Variants in GRIN2D observed in about 807,000 individuals in gnomAD.
GRIN2D encodes the protein glutamate ionotropic receptor NMDA type subunit 2D.
In GRIN2D, 37 loss-of-function variants were observed where a neutral mutation model predicts 103.2. The ratio of observed to expected loss-of-function variants is 0.36; its 90% confidence interval spans 0.28 to 0.47. GRIN2D has a LOEUF of 0.47. Among genes scored for constraint, GRIN2D ranks in the 20% least tolerant of loss-of-function variants. GRIN2D has a pLI of 1.00. For missense variants in GRIN2D, 1,557 were observed against 1,910.6 expected (o/e 0.81, Z 3.45); for synonymous variants, 845 against 885.6 (o/e 0.95, Z 0.81).
intron 11 of GRIN2D, among the ~76,000 whole-genome samples, chr19:48,431,610 G>A (rs1280294963): frequency 6.8e-6 from 1 of 147,352 alleles, no homozygotes; most frequent in Non-Finnish European, 1.5e-5. Flanking sequence ...TTGAGACGGA[G>A]TTTCACTCTT....
rs746596438 is a variant in GRIN2D at position 48,443,286 on chromosome 19, CCT to C, written c.3361_3362del (p.Leu1121GlyfsTer210). The C allele has an allele frequency of 1.3e-6, 2 of 1,536,148 alleles. No homozygotes were observed. Among genetic ancestry groups the C allele is most frequent in the Non-Finnish European group, 1.7e-6 (2 of 1,150,352 alleles). ...CGTCGGACTCGGAGGACTCGGAGAG[CCT>C]GGGCGGCGCGTCGCTGGGCGGCCTG... is the stretch of plus-strand genomic sequence containing the variant. ...SPSDSEDSES[L>X]GGASLGGLEP... On this transcript the variant is annotated frameshift_variant, in exon 14 of 14. Transcript: ENST00000263269. LOFTEE classifies it high-confidence loss of function. The surrounding 1 kb of genome is among the most constrained non-coding windows in gnomAD (Gnocchi z 8.9).
chr19:48,421,806 T>C lies in GRIN2D; in HGVS notation c.2113T>C (p.Tyr705His). The change falls in exon 11 of 14, where the codon TAC (tyrosine) becomes CAC (histidine). Residue 705 changes from tyrosine (Y) to histidine (H), a missense_variant. By Grantham distance (83) the Tyr-to-His change is moderately conservative. Around this residue, in one of 7 missense-constraint regions of GRIN2D, gnomAD observed 138 missense variants for 270.2 expected, o/e 0.51. Coordinates refer to ENST00000263269, the MANE Select transcript of GRIN2D (RefSeq NM_000836.4). The surrounding 1 kb of genome is among the most constrained non-coding windows in gnomAD (Gnocchi z 4.8). ...DRKFQRPQEQ[Y>H]PPLKFGTVPN... ...CCAGTTCCAGAGGCCCCAGGAGCAG[T>C]ACCCGCCCCTGAAGTTTGGGACCGT... 6.2e-7 allele frequency: 1 copy of C among 1,613,856 alleles called. No individual in the cohort carries two copies. Among genetic ancestry groups the C allele is most frequent in the Non-Finnish European group, 8.5e-7 (1 of 1,179,818 alleles).
In GRIN2D at chr19:48,414,990, C is replaced by T. The variant is rs761375023; in HGVS notation, c.1539C>T (p.His513=). The T allele has an allele frequency of 1.2e-6, 2 of 1,607,954 alleles. No homozygotes were observed. The highest frequency in any genetic ancestry group is 1.1e-5 in the South Asian group (1 of 90,768). The change falls in exon 7 of 14, where the codon CAC becomes CAT. Residue 513 remains histidine, a synonymous_variant. Transcript: ENST00000263269. This position sits in a 1 kb window ranked among gnomAD's most constrained non-coding sequence, Gnocchi z 4.6. ...YDLYLVTNGK[H]GKKIDGVWNG... ...TCTACCTGGTCACCAATGGCAAGCA[C>T]GGAAAGAAGATCGATGGCGTCTGGA...
intron 11 of GRIN2D, among the ~76,000 whole-genome samples, chr19:48,438,587 C>A (rs910764647): frequency 6.6e-5 from 10 of 151,542 alleles, no homozygotes; most frequent in African/African-American, 2.2e-4. Context: ...CATTAGCCAC[C>A]GTGCCCGGCC....
rs751057636 is a variant in GRIN2D, at chr19:48,443,730, C to T, written c.3804C>T (p.Thr1268=). 1.3e-5 allele frequency: 17 copies of T among 1,350,254 alleles called. No homozygotes were observed. In the South Asian group the frequency reaches 2.5e-4, roughly 20 times the overall value. The allele number at this position is 1,350,254 out of a possible 1,614,324, so 83.6% of individuals were successfully genotyped here. A position where few individuals can be genotyped will look rare whatever the true frequency, so the allele number is the denominator to read the frequency against. Residue 1268 remains threonine, a synonymous_variant, in exon 14 of 14, where the codon ACC becomes ACT. Transcript: ENST00000263269. The surrounding 1 kb of genome is among the most constrained non-coding windows in gnomAD (Gnocchi z 8.9). The part of the protein sequence containing the change: ...GGWDLPPPAP[T]SRSLEDLSSC... The stretch of plus-strand genomic sequence containing the variant: ...GGGACCTCCCGCCGCCCGCGCCCAC[C>T]TCGCGCTCGCTCGAGGACCTCAGCT...
At chr19:48,402,792 GA>G (rs1970734339) in intron 3 of GRIN2D, among the ~76,000 whole-genome samples, 1 of 149,848 alleles carries the variant, frequency 6.7e-6, no homozygotes, top group African/African-American at 2.5e-5. Context: ...GAGAGAGAGA[GA>G]GAGAGAGAGA....
At position 48,442,770 on chromosome 19, in the gene GRIN2D, C is replaced by A; in HGVS notation, c.2844C>A (p.Gly948=). The A allele has an allele frequency of 1.9e-6, 2 of 1,069,244 alleles. No individual in the cohort carries two copies. The highest frequency in any genetic ancestry group is 1.7e-5 in the African/African-American group (1 of 58,494). 66.2% of individuals were successfully genotyped at this position (1,069,244 alleles called of 1,614,324 possible). The part of the protein sequence containing the change: ...ASVDRWRRTK[G]AGPPGGAGLA... ...TGGACCGCTGGCGCCGGACCAAGGG[C>A]GCGGGGCCGCCGGGGGGCGCGGGCC... The change falls in exon 14 of 14, where the codon GGC becomes GGA. Residue 948 remains glycine (G), a synonymous_variant. Transcript: ENST00000263269. The surrounding 1 kb of genome is among the most constrained non-coding windows in gnomAD (Gnocchi z 7.2).
rs1971327127 is a variant in GRIN2D at position 48,443,168 on chromosome 19, G to A, written c.3242G>A (p.Gly1081Asp). 8 of 1,024,806 alleles carry A rather than the reference G, an allele frequency of 7.8e-6. No homozygotes were observed. In the South Asian group the frequency reaches 2.2e-4, roughly 28 times the overall value. 63.5% of individuals were successfully genotyped at this position (1,024,806 alleles called of 1,614,324 possible). The change falls in exon 14 of 14, where the codon GGC becomes GAC. Residue 1081 changes from glycine (G) to aspartate (D), a missense_variant. By Grantham distance (94) the Gly-to-Asp change is moderately conservative (BLOSUM62 -1). Around this residue, in one of 7 missense-constraint regions of GRIN2D, gnomAD observed 632 missense variants for 572.8 expected, o/e 1.10. Coordinates refer to ENST00000263269, the MANE Select transcript of GRIN2D (RefSeq NM_000836.4). The surrounding 1 kb of genome is among the most constrained non-coding windows in gnomAD (Gnocchi z 8.9). ...LLGPGAGGAG[G>D]TGGAGGGAPA... The stretch of plus-strand genomic sequence containing the variant: ...GGGCCAGGCGCGGGCGGCGCGGGGG[G>A]CACGGGGGGCGCAGGCGGAGGAGCC...
At position 48,414,135 on chromosome 19, in the gene GRIN2D, G is replaced by C; in HGVS notation, c.1200+30G>C. 2.2e-6 allele frequency: 3 copies of C among 1,334,906 alleles called. No homozygotes were observed. The highest frequency in any genetic ancestry group is 3.2e-6 in the Non-Finnish European group (3 of 927,052). The allele number at this position is 1,334,906 out of a possible 1,614,324, so 82.7% of individuals were successfully genotyped here. A position where few individuals can be genotyped will look rare whatever the true frequency, so the allele number is the denominator to read the frequency against. ...GTCGTAGCCCCAGACCTCAGGCATGGCAGAGGGTGTGGACTCCTGCATCCT... is the reference window on the plus strand; with the variant it reads ...GTCGTAGCCCCAGACCTCAGGCATGCCAGAGGGTGTGGACTCCTGCATCCT... On this transcript the variant is annotated intron_variant, in intron 5 of 13. Coordinates refer to ENST00000263269, the MANE Select transcript of GRIN2D (RefSeq NM_000836.4). This position sits in a 1 kb window ranked among gnomAD's most constrained non-coding sequence, Gnocchi z 4.6.
chr19:48,398,764 C>T lies in GRIN2D; in HGVS notation c.372C>T (p.Pro124=). 1 of 1,465,382 alleles carries T rather than the reference C, an allele frequency of 6.8e-7. No homozygotes were observed. Among genetic ancestry groups the T allele is most frequent in the Non-Finnish European group, 9.0e-7 (1 of 1,114,308 alleles). The allele number at this position is 1,465,382 out of a possible 1,614,324, so 90.8% of individuals were successfully genotyped here. ...GVVFEDDSRA[P]AVAPILDFLS... is the part of the protein sequence containing the mutation. ...TCTTCGAAGACGACTCGCGCGCGCC[C>T]GCCGTCGCGCCCATCCTCGACTTCC... Residue 124 remains proline (P), a synonymous_variant, in exon 3 of 14, where the codon CCC becomes CCT. Transcript: ENST00000263269.
At chr19:48,436,984 C>T (rs1336578234) in intron 11 of GRIN2D, among the ~76,000 whole-genome samples, 1 of 152,086 alleles carries the variant, frequency 6.6e-6, no homozygotes, top group East Asian at 1.9e-4. Flanking sequence ...AAAGGGACAG[C>T]GCTGACTCAA....
At chr19:48,397,092 C>G (rs1970652252) in intron 2 of GRIN2D, among the ~76,000 whole-genome samples, 1 of 151,740 alleles carries the variant, frequency 6.6e-6, no homozygotes. Flanking sequence ...CAGGGACCCC[C>G]ACACCCACCC....
chr19:48,404,849 C>T lies in GRIN2D; in HGVS notation c.581C>T (p.Ala194Val). The change falls in exon 4 of 14, where the codon GCC becomes GTC. Residue 194 changes from alanine (A) to valine (V), a missense_variant. Physicochemically the swap from Ala to Val is moderately conservative, Grantham distance 64. Coordinates refer to ENST00000263269, the MANE Select transcript of GRIN2D (RefSeq NM_000836.4). ...WTSFVAVTTRAPGHRAFLSYI... is the reference protein window; with the variant it reads ...WTSFVAVTTRVPGHRAFLSYI... Reference sequence around the variant, plus strand: ...TCCTTTGTAGCCGTGACCACTCGTGCCCCTGGCCACCGGGCCTTCCTGTCC... The same window carrying T: ...TCCTTTGTAGCCGTGACCACTCGTGTCCCTGGCCACCGGGCCTTCCTGTCC... 6.2e-7 allele frequency: 1 copy of T among 1,614,188 alleles called. No homozygotes were observed. Among genetic ancestry groups the T allele is most frequent in the South Asian group, 1.1e-5 (1 of 91,080 alleles).
chr19:48,433,951 CTTTT>C (rs778701949), intron 11 of GRIN2D, among the ~76,000 whole-genome samples: 1 of 140,212 alleles, frequency 7.1e-6, no homozygotes, highest in Non-Finnish European at 1.6e-5. Flanking sequence ...CGCTTCTTTT[CTTTT>C]TTTTTTTTTT....
chr19:48,402,765 CGA>C (rs35263933), intron 3 of GRIN2D, among the ~76,000 whole-genome samples: 5,290 of 108,858 alleles, frequency 0.049, 267 homozygotes, highest in African/African-American at 0.13. Flanking sequence ...TACTCCTTTA[CGA>C]GAGAGAGAGA....
Position 48,443,169 on chromosome 19 carries a change from C to G in GRIN2D, c.3243C>G (p.Gly1081=). ...LLGPGAGGAG[G]TGGAGGGAPA... is the part of the protein sequence containing the mutation. ...GGCCAGGCGCGGGCGGCGCGGGGGGCACGGGGGGCGCAGGCGGAGGAGCCC... is the reference window on the plus strand; with the variant it reads ...GGCCAGGCGCGGGCGGCGCGGGGGGGACGGGGGGCGCAGGCGGAGGAGCCC... Residue 1081 remains glycine, a synonymous_variant, in exon 14 of 14, where the codon GGC becomes GGG. Coordinates refer to ENST00000263269, the MANE Select transcript of GRIN2D (RefSeq NM_000836.4). This position sits in a 1 kb window ranked among gnomAD's most constrained non-coding sequence, Gnocchi z 8.9. 1.9e-6 allele frequency: 2 copies of G among 1,027,410 alleles called. No individual in the cohort carries two copies. Among genetic ancestry groups the G allele is most frequent in the Non-Finnish European group, 2.3e-6 (2 of 854,244 alleles). 63.6% of individuals were successfully genotyped at this position (1,027,410 alleles called of 1,614,324 possible). A position where few individuals can be genotyped will look rare whatever the true frequency, so the allele number is the denominator to read the frequency against.
chr19:48,443,440 C>A lies in GRIN2D; in HGVS notation c.3514C>A (p.Arg1172Ser), dbSNP rs762270198. The A allele has an allele frequency of 9.4e-6, 13 of 1,384,516 alleles. No individual in the cohort carries two copies. The South Asian group carries it at 1.6e-4, about 17-fold the overall frequency. The allele number at this position is 1,384,516 out of a possible 1,614,324, so 85.8% of individuals were successfully genotyped here. Residue 1172 changes from arginine (R) to serine (S), a missense_variant, in exon 14 of 14, where the codon CGC (arginine) becomes AGC (serine). Arg to Ser is a moderately radical substitution (Grantham distance 110, BLOSUM62 -1). This residue lies in a region of GRIN2D where 632 missense variants were observed against 572.8 expected (regional missense o/e 1.10). Transcript: ENST00000263269. This position sits in a 1 kb window ranked among gnomAD's most constrained non-coding sequence, Gnocchi z 8.9. ...RAGSWDYLPP[R>S]SGPAAWHCRH... ...CGGGAGCTGGGACTACCTGCCCCCG[C>A]GCAGCGGTCCGGCCGCCTGGCACTG...
At chr19:48,400,132 C>A (rs779408626) in intron 3 of GRIN2D, among the ~76,000 whole-genome samples, 7 of 152,312 alleles carry the variant, frequency 4.6e-5, no homozygotes, top group Non-Finnish European at 1.0e-4. Flanking sequence ...GGAGAAAGGC[C>A]TGACTCCCAA....
At position 48,419,355 on chromosome 19, in the gene GRIN2D, C is replaced by A. The variant is rs539374382; in HGVS notation, c.1857C>A (p.Gly619=). 3.7e-6 allele frequency: 6 copies of A among 1,601,256 alleles called. No homozygotes were observed. The highest frequency in any genetic ancestry group is 1.7e-4 in the Middle Eastern group (1 of 5,974). ...GTTACAACCGCAGCCTGGCCACGGG[C>A]AAGCGTGAGTCCCCCTTCCTCCATC... ...PVGYNRSLAT[G]KRPGGSTFTI... Residue 619 remains glycine (G), a synonymous_variant, in exon 9 of 14, where the codon GGC becomes GGA. Coordinates refer to ENST00000263269, the MANE Select transcript of GRIN2D (RefSeq NM_000836.4).
Sources: allele counts gnomAD v4.1 joint callset (sites outside exome capture counted in the v4.1 genomes callset), GRCh38; gene constraint gnomAD v4.1.1; regional missense constraint gnomAD v4.1.1; non-coding constraint Gnocchi (gnomAD v3.1); transcripts MANE v1.5; gene names NCBI Gene and HGNC (gene_info 2026-07-23, HGNC 2026-07-21).